ADAMTS12: variants seen among roughly 807,000 people sequenced by gnomAD.
The protein encoded by ADAMTS12 is ADAM metallopeptidase with thrombospondin type 1 motif 12, also known as A disintegrin and metalloproteinase with thrombospondin motifs 12.
ADAMTS12 carries 118 observed loss-of-function variants against 167.8 expected under a neutral mutation model. That is an observed-to-expected ratio of 0.70 (90% CI 0.61 to 0.82). The LOEUF (loss-of-function observed/expected upper bound fraction) is 0.82, where lower values mean the gene tolerates loss of function less well. ADAMTS12 is among the 40% of genes least tolerant of loss of function. The pLI, the probability that ADAMTS12 is intolerant of heterozygous loss-of-function variation, is 0.00. For missense variants in ADAMTS12, 1,916 were observed against 1,998.8 expected (o/e 0.96, Z 0.79); for synonymous variants, 704 against 716.9 (o/e 0.98, Z 0.29).
At chr5:33,665,105 C>T (rs2112224337) in intron 5 of ADAMTS12, among the ~76,000 whole-genome samples, 1 of 152,202 alleles carries the variant, frequency 6.6e-6, no homozygotes, top group East Asian at 1.9e-4. Context: ...GAAATACTGC[C>T]ATTTGTGACA....
intron 12 of ADAMTS12, among the ~76,000 whole-genome samples, chr5:33,632,265 T>A (rs11959437): frequency 6.6e-6 from 1 of 151,594 alleles, no homozygotes; most frequent in Non-Finnish European, 1.5e-5. Context: ...TGGAAGGAGT[T>A]TGAGGGTTGA....
intron 2 of ADAMTS12, among the ~76,000 whole-genome samples, chr5:33,793,960 T>C (rs966078230): frequency 1.1e-4 from 16 of 152,268 alleles, no homozygotes; most frequent in Middle Eastern, 3.4e-3. Flanking sequence ...CGCTTTCAAA[T>C]TGTTACAAAG....
intron 20 of ADAMTS12, among the ~76,000 whole-genome samples, chr5:33,558,516 G>A (rs1336947686): frequency 2.6e-5 from 4 of 152,094 alleles, no homozygotes; most frequent in Non-Finnish European, 5.9e-5. Flanking sequence ...GAAAGAGAGA[G>A]AGAGAGGGGC....
At chr5:33,548,218 G>A (rs1161155194) in intron 21 of ADAMTS12, among the ~76,000 whole-genome samples, 3 of 152,158 alleles carry the variant, frequency 2.0e-5, no homozygotes, top group Admixed American at 6.5e-5. Context: ...TTCACTTTTC[G>A]CTCAATGCCC....
intron 3 of ADAMTS12, among the ~76,000 whole-genome samples, chr5:33,712,073 T>G (rs1743421930): frequency 6.6e-6 from 1 of 152,142 alleles, no homozygotes; most frequent in Admixed American, 6.6e-5. Context: ...TCTACCTCAG[T>G]TTACTCATCT....
chr5:33,691,874 G>A (rs750463407), intron 3 of ADAMTS12, among the ~76,000 whole-genome samples: 17 of 152,160 alleles, frequency 1.1e-4, no homozygotes, highest in Non-Finnish European at 2.2e-4. Context: ...CCAACCTAAG[G>A]CTAACTATTG....
intron 2 of ADAMTS12, among the ~76,000 whole-genome samples, chr5:33,791,692 T>A (rs1746575057): frequency 1.3e-5 from 2 of 152,138 alleles, no homozygotes; most frequent in Non-Finnish European, 2.9e-5. Flanking sequence ...AGTTGTTAAG[T>A]CTGTCTGTGG....
Position 33,527,001 on chromosome 5 carries a change from C to T in ADAMTS12, c.*187G>A, listed in dbSNP as rs1444807312. 8 of 677,744 alleles carry T rather than the reference C, an allele frequency of 1.2e-5. No individual in the cohort carries two copies. In the South Asian group the frequency reaches 1.3e-4, roughly 11 times the overall value. The allele number at this position is 677,744 out of a possible 1,614,324, so 42.0% of individuals were successfully genotyped here. On this transcript the variant is annotated 3_prime_UTR_variant, in exon 24 of 24. Transcript: ENST00000504830. ...CCTTCCTATCAGGGAGCAGCAAGTA[C>T]GGCAGCCTAGGCCTCCTGTGAGGGA...
chr5:33,848,471 T>G (rs1749030905), intron 2 of ADAMTS12, among the ~76,000 whole-genome samples: 1 of 152,190 alleles, frequency 6.6e-6, no homozygotes, highest in East Asian at 1.9e-4. Flanking sequence ...TATACAAGAT[T>G]TTAAGAAAAC....
At chr5:33,695,776 G>A (rs897480254) in intron 3 of ADAMTS12, among the ~76,000 whole-genome samples, 2 of 152,152 alleles carry the variant, frequency 1.3e-5, no homozygotes, top group South Asian at 4.1e-4. Flanking sequence ...TCTGGAGAGG[G>A]ATGGATGGTG....
rs201312667 is a variant in ADAMTS12, at chr5:33,881,905, G to GACT, written c.128-428_128-426dup. Among the ~76,000 whole-genome samples, 101 of 152,074 alleles carry GACT rather than the reference G, an allele frequency of 6.6e-4. No homozygotes were observed. In the East Asian group the frequency reaches 0.019, roughly 29 times the overall value. On this transcript the variant is annotated intron_variant, in intron 1 of 23. Coordinates refer to ENST00000504830, the MANE Select transcript of ADAMTS12 (RefSeq NM_030955.4). ...TTTTTAATTACAAAATCCCACTGTT[G>GACT]ACTTGAAGTTTAGAGATCCTTTCCA...
At chr5:33,670,735 T>C (rs1190627754) in intron 5 of ADAMTS12, among the ~76,000 whole-genome samples, 1 of 152,148 alleles carries the variant, frequency 6.6e-6, no homozygotes, top group East Asian at 1.9e-4. Context: ...AAAGCGAGAC[T>C]CTATCTCAAA....
chr5:33,616,463 C>T (rs1306147560), intron 14 of ADAMTS12, among the ~76,000 whole-genome samples: 1 of 152,154 alleles, frequency 6.6e-6, no homozygotes, highest in Non-Finnish European at 1.5e-5. Context: ...CATTAGACTT[C>T]CTGAACATTG....
At chr5:33,685,428 C>T in intron 3 of ADAMTS12, among the ~76,000 whole-genome samples, 1 of 152,214 alleles carries the variant, frequency 6.6e-6, no homozygotes. Context: ...TGAGTTGGGA[C>T]AACTAACACC....
At chr5:33,574,752 A>T (rs1746594612) in intron 19 of ADAMTS12, among the ~76,000 whole-genome samples, 1 of 152,180 alleles carries the variant, frequency 6.6e-6, no homozygotes, top group South Asian at 2.1e-4. Flanking sequence ...GTATAATAAT[A>T]ATAGAAAAAA....
At chr5:33,850,194 C>T (rs977860048) in intron 2 of ADAMTS12, among the ~76,000 whole-genome samples, 4 of 152,142 alleles carry the variant, frequency 2.6e-5, no homozygotes, top group African/African-American at 9.7e-5. Flanking sequence ...GGTCCGTCAC[C>T]TGCACATCGG....
intron 21 of ADAMTS12, among the ~76,000 whole-genome samples, chr5:33,546,408 GA>G (rs1325888617): frequency 1.3e-5 from 2 of 151,804 alleles, no homozygotes; most frequent in Non-Finnish European, 2.9e-5. Flanking sequence ...AAGAATTAAA[GA>G]GAGGTGGAAA....
At chr5:33,866,018 A>C (rs1396915077) in intron 2 of ADAMTS12, among the ~76,000 whole-genome samples, 1 of 152,238 alleles carries the variant, frequency 6.6e-6, no homozygotes, top group African/African-American at 2.4e-5. Flanking sequence ...CAATATCATG[A>C]AAGTGACCAT....
At chr5:33,713,346 A>T (rs1354755014) in intron 3 of ADAMTS12, among the ~76,000 whole-genome samples, 1 of 152,202 alleles carries the variant, frequency 6.6e-6, no homozygotes, top group Non-Finnish European at 1.5e-5. Flanking sequence ...CCAAGTAAAC[A>T]GAAACCACCA....
Sources: allele counts gnomAD v4.1 joint callset (sites outside exome capture counted in the v4.1 genomes callset), GRCh38; gene constraint gnomAD v4.1.1; transcripts MANE v1.5; gene names NCBI Gene and HGNC (gene_info 2026-07-23, HGNC 2026-07-21).